The following SNTG2 variants were observed in gnomAD, a reference collection of about 807,000 sequenced individuals.
SNTG2 encodes syntrophin gamma 2, also known as gamma-2-syntrophin.
Under a neutral mutation model 70.9 loss-of-function variants are expected in SNTG2, and 74 were observed. The ratio of observed to expected loss-of-function variants is 1.04; its 90% CI spans 0.86 to 1.27. SNTG2 has a LOEUF of 1.27. SNTG2 is among the 50% of genes most tolerant of loss of function. The probability of loss-of-function intolerance (pLI) is 0.00; values close to 1 mark genes in which losing one functional copy is unlikely to be tolerated. For synonymous variants in SNTG2, 278 were observed against 273.8 expected (o/e 1.02, Z -0.15); for missense variants, 717 against 690.7 (o/e 1.04, Z -0.43).
At chr2:1,010,116 T>C (rs551617672) in intron 1 of SNTG2, among the ~76,000 whole-genome samples, 1 of 152,184 alleles carries the variant, frequency 6.6e-6, no homozygotes, top group South Asian at 2.1e-4. Context: ...CAAAGGGGTA[T>C]GAACACACTA....
intron 9 of SNTG2, among the ~76,000 whole-genome samples, chr2:1,221,408 A>ACT: frequency 1.3e-5 from 1 of 75,430 alleles, no homozygotes; most frequent in Non-Finnish European, 2.6e-5. Flanking sequence ...TGTCCCTCTC[A>ACT]GTCTCTGGTT....
intron 4 of SNTG2, among the ~76,000 whole-genome samples, chr2:1,116,897 A>AGTGTGTGGGTGCTCTG (rs1667038774): frequency 7.1e-5 from 2 of 28,124 alleles, no homozygotes; most frequent in African/African-American, 1.4e-4. Context: ...CGGGTGCCCT[A>AGTGTGTGGGTGCTCTG]GTGTGTGGGT....
intron 1 of SNTG2, among the ~76,000 whole-genome samples, chr2:1,039,789 C>T (rs1308802676): frequency 1.3e-5 from 2 of 152,204 alleles, no homozygotes; most frequent in Non-Finnish European, 2.9e-5. Context: ...AATAACATCA[C>T]TGGGAAGCTG....
At chr2:1,323,700 C>G (rs1369781585) in intron 16 of SNTG2, among the ~76,000 whole-genome samples, 1 of 150,218 alleles carries the variant, frequency 6.7e-6, no homozygotes, top group Non-Finnish European at 1.5e-5. Context: ...TAGGCTGGAA[C>G]ATGGCTAACA....
chr2:1,036,289 A>AT (rs896446701), intron 1 of SNTG2, among the ~76,000 whole-genome samples: 7 of 151,092 alleles, frequency 4.6e-5, no homozygotes, highest in Admixed American at 6.6e-5. Context: ...ATTTTTCTTT[A>AT]TTTTTTTTCA....
At chr2:1,038,827 A>C (rs1661275262) in intron 1 of SNTG2, among the ~76,000 whole-genome samples, 1 of 152,190 alleles carries the variant, frequency 6.6e-6, no homozygotes, top group Admixed American at 6.5e-5. Context: ...TCACAGTCAA[A>C]TGTGGCATCT....
intron 1 of SNTG2, among the ~76,000 whole-genome samples, chr2:1,003,353 C>T (rs149659096): frequency 9.9e-5 from 15 of 152,014 alleles, no homozygotes; most frequent in Admixed American, 4.6e-4. Context: ...AGGTGAGGGA[C>T]GGAGGTTTGC....
At chr2:1,153,055 C>T (rs1007329021) in intron 6 of SNTG2, among the ~76,000 whole-genome samples, 3 of 151,158 alleles carry the variant, frequency 2.0e-5, no homozygotes, top group Non-Finnish European at 4.4e-5. Context: ...ACCCAGGAGG[C>T]GGAGGTTGCA....
intron 1 of SNTG2, among the ~76,000 whole-genome samples, chr2:1,035,683 A>T (rs933230107): frequency 6.6e-6 from 1 of 152,110 alleles, no homozygotes; most frequent in Non-Finnish European, 1.5e-5. Flanking sequence ...TTGCTGGAAA[A>T]TCTGTTTAAA....
At chr2:1,045,184 G>A (rs11890592) in intron 1 of SNTG2, among the ~76,000 whole-genome samples, 14,514 of 152,032 alleles carry the variant, frequency 0.095, 791 homozygotes, top group Middle Eastern at 0.14. Context: ...GTGCATAGTG[G>A]TGTTCATAGT....
At chr2:1,244,364 T>C (rs1471848363) in intron 11 of SNTG2, among the ~76,000 whole-genome samples, 1 of 152,044 alleles carries the variant, frequency 6.6e-6, no homozygotes, top group Non-Finnish European at 1.5e-5. Context: ...GTAATAAATA[T>C]GGGGTCAAAC....
At chr2:1,008,992 T>A (rs1659647242) in intron 1 of SNTG2, among the ~76,000 whole-genome samples, 1 of 152,234 alleles carries the variant, frequency 6.6e-6, no homozygotes, top group Admixed American at 6.5e-5. Context: ...ATAATTGCCT[T>A]TCAAATTATA....
chr2:1,102,083 G>A (rs1445262557), intron 4 of SNTG2, among the ~76,000 whole-genome samples: 1 of 152,212 alleles, frequency 6.6e-6, no homozygotes, highest in Admixed American at 6.5e-5. Flanking sequence ...TCTTGCCATT[G>A]CAGAGCTTGT....
intron 1 of SNTG2, among the ~76,000 whole-genome samples, chr2:1,016,719 G>T (rs1489320615): frequency 6.6e-6 from 1 of 152,192 alleles, no homozygotes; most frequent in African/African-American, 2.4e-5. Flanking sequence ...GCGTATTCAC[G>T]GACTGGCTCT....
intron 16 of SNTG2, among the ~76,000 whole-genome samples, chr2:1,341,886 C>G (rs1375212160): frequency 4.1e-5 from 6 of 146,416 alleles, no homozygotes; most frequent in East Asian, 2.0e-4. Context: ...TACTCTGTTG[C>G]CCAGGCTAGA....
At chr2:1,066,778 A>G (rs924956942) in intron 1 of SNTG2, among the ~76,000 whole-genome samples, 3 of 151,888 alleles carry the variant, frequency 2.0e-5, no homozygotes, top group African/African-American at 7.3e-5. Flanking sequence ...TCACCTTTCT[A>G]GTTTGCTTCA....
chr2:992,089 A>T (rs890290883), intron 1 of SNTG2, among the ~76,000 whole-genome samples: 2 of 152,206 alleles, frequency 1.3e-5, no homozygotes, highest in Non-Finnish European at 2.9e-5. Flanking sequence ...TGCGAAGCAG[A>T]TAATGGAAAT....
intron 12 of SNTG2, among the ~76,000 whole-genome samples, chr2:1,255,809 C>T: frequency 9.0e-6 from 1 of 110,826 alleles, no homozygotes; most frequent in Non-Finnish European, 1.9e-5. Context: ...TATATATACA[C>T]AAAGTTGTAT....
At chr2:1,114,464 T>G (rs1666785686) in intron 4 of SNTG2, among the ~76,000 whole-genome samples, 1 of 152,102 alleles carries the variant, frequency 6.6e-6, no homozygotes, top group Non-Finnish European at 1.5e-5. Context: ...TCTTTTGAAC[T>G]AAGTGAGGTT....
Sources: allele counts gnomAD v4.1 joint callset (sites outside exome capture counted in the v4.1 genomes callset), GRCh38; gene constraint gnomAD v4.1.1; transcripts MANE v1.5; gene names NCBI Gene and HGNC (gene_info 2026-07-23, HGNC 2026-07-21).